The following SETDB1 variants were observed in gnomAD, a reference collection of about 807,000 sequenced individuals.
SETDB1 encodes the protein histone-lysine N-methyltransferase SETDB1.
A neutral mutation model predicts 137.4 loss-of-function variants in SETDB1; 31 were observed. The observed-to-expected ratio is 0.23, with a 90% CI of 0.17 to 0.30. SETDB1 has a LOEUF of 0.30. Among genes scored for constraint, SETDB1 ranks in the 10% least tolerant of loss-of-function variants. The pLI, the probability that SETDB1 is intolerant of heterozygous loss-of-function variation, is 1.00. For missense variants in SETDB1, 1,113 were observed against 1,631.5 expected, an observed-to-expected ratio of 0.68 and a Z score of 5.47; for synonymous variants, 548 against 579.9, an observed-to-expected ratio of 0.95 and a Z score of 0.79.
rs1196573569 is a variant in SETDB1 at position 150,949,102 on chromosome 1, C to T, written c.1268-20C>T. 4.4e-6 allele frequency: 7 copies of T among 1,606,068 alleles called. No homozygotes were observed. Among genetic ancestry groups the T allele is most frequent in the Non-Finnish European group, 6.0e-6 (7 of 1,174,240 alleles). The stretch of plus-strand genomic sequence containing the variant: ...TCATAGCTATCATCTTCTCAGTGCT[C>T]AATTTCCTTTTTCCTATAGGTGCTG... On this transcript the variant is annotated intron_variant, in intron 10 of 21. Coordinates refer to ENST00000692827, the MANE Select transcript of SETDB1 (RefSeq NM_001366418.1).
chr1:150,951,542 C>T (rs1215693543), intron 14 of SETDB1, 61 bp downstream of exon 14: 15 of 901,980 alleles, frequency 1.7e-5, no homozygotes, highest in Non-Finnish European at 2.7e-5. Context: ...TCTTGTTTTT[C>T]TGTGCTTATA....
intron 14 of SETDB1, among the ~76,000 whole-genome samples, chr1:150,954,464 A>C (rs186068067): frequency 1.3e-5 from 2 of 152,328 alleles, no homozygotes; most frequent in East Asian, 3.9e-4. Context: ...ATAATTCAGA[A>C]AGTGTCCCAT....
chr1:150,948,032 G>C (rs894992030), intron 10 of SETDB1, among the ~76,000 whole-genome samples: 1 of 151,628 alleles, frequency 6.6e-6, no homozygotes, highest in Non-Finnish European at 1.5e-5. Flanking sequence ...AGGAGTTGGA[G>C]ATCAGTCTGG....
chr1:150,944,862 T>C (rs1670276307), intron 8 of SETDB1, 56 bp from the exon 9 acceptor site: 1 of 1,589,688 alleles, frequency 6.3e-7, no homozygotes, highest in South Asian at 1.1e-5. Flanking sequence ...CCAAGTCTTT[T>C]CCCTATCAAG....
At chr1:150,963,404 GTTC>G in intron 19 of SETDB1, 123 bp from the exon 20 acceptor site, 1 of 889,504 alleles carries the variant, frequency 1.1e-6, no homozygotes, top group Middle Eastern at 2.8e-4. Context: ...GGATCTTTGA[GTTC>G]CAGCTTATTG....
At chr1:150,964,164 A>G (rs914217935) in intron 21 of SETDB1, 81 bp downstream of exon 21, 9 of 1,523,148 alleles carry the variant, frequency 5.9e-6, no homozygotes, top group Non-Finnish European at 6.4e-6. Context: ...TTCATGATCC[A>G]ACTCCACCTA....
In SETDB1 at chr1:150,949,222, A is replaced by C. The variant is rs765926251; in HGVS notation, c.1368A>C (p.Pro456=). 18 of 1,614,086 alleles carry C rather than the reference A, an allele frequency of 1.1e-5. No individual in the cohort carries two copies. The highest frequency in any genetic ancestry group is 1.5e-5 in the Non-Finnish European group (18 of 1,180,018). ...TGGAACCCCCACAGCCTACAGCTCC[A>C]CCTGCCCCACCTTTCCCACCTGCTC... The part of the protein sequence containing the change: ...KPVEPPQPTA[P]PAPPFPPAPP... The change falls in exon 11 of 22, where the codon CCA becomes CCC. Residue 456 remains proline (P), a synonymous_variant. Transcript: ENST00000692827.
chr1:150,929,540 G>A (rs956795254), intron 2 of SETDB1, among the ~76,000 whole-genome samples: 8 of 151,572 alleles, frequency 5.3e-5, no homozygotes, highest in Non-Finnish European at 1.2e-4. Flanking sequence ...CACCACACCC[G>A]GCTAATTTTT....
At chr1:150,946,461 T>TGGG (rs986750347) in intron 9 of SETDB1, among the ~76,000 whole-genome samples, 5 of 151,274 alleles carry the variant, frequency 3.3e-5, no homozygotes, top group African/African-American at 9.7e-5. Context: ...AATTTTTTTT[T>TGGG]GGGGGGGATG....
chr1:150,931,261 C>CAAAAAAAAAAAAAAAAAAAAA (rs767694682), intron 3 of SETDB1, among the ~76,000 whole-genome samples: 1 of 67,516 alleles, frequency 1.5e-5, no homozygotes, highest in African/African-American at 4.4e-5. Flanking sequence ...CTCTTGTCTT[C>CAAAAAAAAAAAAAAAAAAAAA]AAAAAAAAAA....
intron 14 of SETDB1, among the ~76,000 whole-genome samples, chr1:150,954,580 C>T (rs1215614838): frequency 6.6e-6 from 1 of 151,570 alleles, no homozygotes; most frequent in African/African-American, 2.4e-5. Flanking sequence ...AATGTCAGAA[C>T]ACTGAGGGAA....
intron 3 of SETDB1, among the ~76,000 whole-genome samples, chr1:150,936,764 C>T (rs1487986742): frequency 6.6e-6 from 1 of 152,050 alleles, no homozygotes; most frequent in Non-Finnish European, 1.5e-5. Context: ...TAGCTCACTT[C>T]GACTTCAGCC....
chr1:150,961,535 T>C, intron 16 of SETDB1: 1 of 279,316 alleles, frequency 3.6e-6, no homozygotes, highest in South Asian at 3.4e-5. Context: ...CATGCCTGTA[T>C]TTCCAGCTAC....
chr1:150,959,160 A>G lies in SETDB1; in HGVS notation c.2334-18A>G. ...TAGTGATCATACCGTGATTGATTTT[A>G]TTCTAACCTCCTCCCAGGGTATATG... On this transcript the variant is annotated intron_variant, in intron 14 of 21. Coordinates refer to ENST00000692827, the MANE Select transcript of SETDB1 (RefSeq NM_001366418.1). 1 of 1,523,464 alleles carries G rather than the reference A, an allele frequency of 6.6e-7. No homozygotes were observed. Among genetic ancestry groups the G allele is most frequent in the Non-Finnish European group, 8.8e-7 (1 of 1,142,036 alleles). The allele number at this position is 1,523,464 out of a possible 1,614,324, so 94.4% of individuals were successfully genotyped here.
chr1:150,949,513 A>G lies in SETDB1; in HGVS notation c.1571A>G (p.Asn524Ser), dbSNP rs753729830. 1.2e-6 allele frequency: 2 copies of G among 1,614,128 alleles called. No homozygotes were observed. The highest frequency in any genetic ancestry group is 1.6e-4 in the Middle Eastern group (1 of 6,062). Residue 524 changes from asparagine (N) to serine (S), a missense_variant, in exon 12 of 22, where the codon AAC (asparagine) becomes AGC (serine). By Grantham distance (46) the Asn-to-Ser change is conservative. This residue lies in a region of SETDB1 where 192 missense variants were observed against 198.1 expected (regional missense o/e 0.97). Transcript: ENST00000692827. ...ENVSGGKPGI[N>S]QTYRSPLGST... The stretch of plus-strand genomic sequence containing the variant: ...GTCTCTGGTGGGAAACCTGGGATCA[A>G]CCAGACATATAGGTGAGAAAATCTG...
intron 14 of SETDB1, among the ~76,000 whole-genome samples, chr1:150,956,949 T>C (rs1484784865): frequency 2.0e-5 from 3 of 152,026 alleles, no homozygotes; most frequent in Non-Finnish European, 4.4e-5. Flanking sequence ...ACCTTGTCTC[T>C]ACAAAAAAAG....
At chr1:150,948,189 G>A (rs1219662720) in intron 10 of SETDB1, among the ~76,000 whole-genome samples, 2 of 151,790 alleles carry the variant, frequency 1.3e-5, no homozygotes, top group Admixed American at 6.6e-5. Context: ...AGGTCACACC[G>A]CTGCACTTCA....
In SETDB1 at chr1:150,950,748, A is replaced by G. The variant is rs777410669; in HGVS notation, c.1874A>G (p.His625Arg). 1.2e-6 allele frequency: 2 copies of G among 1,614,186 alleles called. No individual in the cohort carries two copies. The highest frequency in any genetic ancestry group is 2.2e-5 in the South Asian group (2 of 91,080). ...CGAGTTAACCGCAAGATGGGCTTTC[A>G]TGTTATCTATAAGACACCTTGTGGT... The part of the protein sequence containing the change: ...RRRVNRKMGF[H>R]VIYKTPCGLC... Residue 625 changes from histidine to arginine, a missense_variant, in exon 13 of 22, where the codon CAT becomes CGT. Physicochemically the swap from His to Arg is conservative, Grantham distance 29. Coordinates refer to ENST00000692827, the MANE Select transcript of SETDB1 (RefSeq NM_001366418.1).
At position 150,959,498 on chromosome 1, in the gene SETDB1, G is replaced by A. The variant is rs774236520; in HGVS notation, c.2503+151G>A. ...TTCTACAAAGAACGTGATGAGTGAT[G>A]TACCTGTCTAGCTAGACCAGAGAGG... On this transcript the variant is annotated intron_variant, in intron 15 of 21. Coordinates refer to ENST00000692827, the MANE Select transcript of SETDB1 (RefSeq NM_001366418.1). The A allele has an allele frequency of 1.9e-4, 127 of 653,258 alleles. 1 individual carries two copies. The highest frequency in any genetic ancestry group is 3.1e-4 in the Non-Finnish European group (116 of 375,654). The allele number at this position is 653,258 out of a possible 1,614,324, so 40.5% of individuals were successfully genotyped here.
Sources: gnomAD v4.1 joint callset for allele counts (sites outside exome capture counted in the v4.1 genomes callset) on GRCh38, gnomAD v4.1.1 for gene constraint, gnomAD v4.1.1 regional missense constraint, MANE v1.5 for transcripts, NCBI Gene and HGNC (gene_info 2026-07-23, HGNC 2026-07-21) for gene names.